The following DIAPH3 variants were observed in gnomAD, a reference collection of about 807,000 sequenced individuals.
DIAPH3 encodes diaphanous related formin 3.
DIAPH3 carries 117 observed loss-of-function variants against 144.3 expected under a neutral mutation model. That is an observed-to-expected ratio of 0.81 (90% CI 0.70 to 0.95). The LOEUF (loss-of-function observed/expected upper bound fraction) is 0.95, where lower values mean the gene tolerates loss of function less well. DIAPH3 is among the 40% of genes least tolerant of loss of function. The pLI, the probability that DIAPH3 is intolerant of heterozygous loss-of-function variation, is 0.00. For missense variants in DIAPH3, 1,421 were observed against 1,412.7 expected (o/e 1.01, Z -0.09); for synonymous variants, 519 against 488.9 (o/e 1.06, Z -0.81).
At chr13:60,064,222 C>T (rs1380244897) in intron 4 of DIAPH3, among the ~76,000 whole-genome samples, 1 of 152,156 alleles carries the variant, frequency 6.6e-6, no homozygotes, top group East Asian at 1.9e-4. Context: ...TTATCAGCTG[C>T]ATTAGCCCCA....
intron 25 of DIAPH3, among the ~76,000 whole-genome samples, chr13:59,779,655 G>A (rs1009869500): frequency 2.0e-5 from 3 of 151,802 alleles, no homozygotes; most frequent in Non-Finnish European, 4.4e-5. Flanking sequence ...GGGATTACAG[G>A]CGTGCCCCAC....
intron 27 of DIAPH3, among the ~76,000 whole-genome samples, chr13:59,762,250 C>T (rs375886793): frequency 1.2e-4 from 18 of 151,824 alleles, no homozygotes; most frequent in African/African-American, 3.9e-4. Flanking sequence ...TTAGTAGAGA[C>T]GGGGTTTCAC....
intron 17 of DIAPH3, among the ~76,000 whole-genome samples, chr13:59,935,660 C>T (rs2048228971): frequency 6.6e-6 from 1 of 152,196 alleles, no homozygotes; most frequent in Non-Finnish European, 1.5e-5. Flanking sequence ...GTATAAATCA[C>T]TTTAGTCATA....
intron 27 of DIAPH3, among the ~76,000 whole-genome samples, chr13:59,751,368 T>C (rs906480626): frequency 6.6e-6 from 1 of 152,240 alleles, no homozygotes; most frequent in Non-Finnish European, 1.5e-5. Flanking sequence ...GTTCTGGCTG[T>C]TAATAGCCTG....
chr13:59,695,189 A>G (rs996071031), intron 27 of DIAPH3: 1 of 152,190 alleles, frequency 6.6e-6, no homozygotes, highest in Non-Finnish European at 1.5e-5. Context: ...CCATCCCATT[A>G]AAGGCCCACT....
chr13:59,711,503 C>T (rs1239993565), intron 27 of DIAPH3, among the ~76,000 whole-genome samples: 3 of 152,142 alleles, frequency 2.0e-5, no homozygotes, highest in Non-Finnish European at 4.4e-5. Context: ...ACCACCACCA[C>T]CTCTCTTACT....
intron 5 of DIAPH3, among the ~76,000 whole-genome samples, chr13:60,019,256 CA>C: frequency 6.6e-6 from 1 of 152,256 alleles, no homozygotes; most frequent in Non-Finnish European, 1.5e-5. Context: ...GATTAATTTC[CA>C]CGAACTAAAA....
intron 27 of DIAPH3, among the ~76,000 whole-genome samples, chr13:59,768,992 G>A (rs1488498287): frequency 1.3e-5 from 2 of 152,024 alleles, no homozygotes; most frequent in African/African-American, 4.8e-5. Flanking sequence ...ATTGCATATA[G>A]TTTATAGAAT....
At chr13:59,851,102 A>G (rs1012418179) in intron 22 of DIAPH3, among the ~76,000 whole-genome samples, 11 of 151,948 alleles carry the variant, frequency 7.2e-5, no homozygotes, top group African/African-American at 1.2e-4. Context: ...AATATCCTTG[A>G]TGAACATTGA....
chr13:60,022,364 T>C (rs1384300712), intron 5 of DIAPH3, among the ~76,000 whole-genome samples: 1 of 152,230 alleles, frequency 6.6e-6, no homozygotes, highest in Non-Finnish European at 1.5e-5. Flanking sequence ...CTTTCATCAG[T>C]AAATAGAATA....
chr13:60,003,010 G>C (rs1396251756), intron 9 of DIAPH3, among the ~76,000 whole-genome samples: 2 of 152,122 alleles, frequency 1.3e-5, no homozygotes, highest in Non-Finnish European at 2.9e-5. Flanking sequence ...ACTTATCCCA[G>C]TCCTTTTCTA....
At chr13:59,880,596 A>G (rs2044953199) in intron 20 of DIAPH3, among the ~76,000 whole-genome samples, 1 of 152,136 alleles carries the variant, frequency 6.6e-6, no homozygotes, top group Admixed American at 6.6e-5. Context: ...GTTACTTAAA[A>G]TATACTAGAC....
At chr13:60,001,713 C>T (rs1180245427) in intron 9 of DIAPH3, among the ~76,000 whole-genome samples, 1 of 152,178 alleles carries the variant, frequency 6.6e-6, no homozygotes, top group Non-Finnish European at 1.5e-5. Flanking sequence ...ATGACTTGAA[C>T]CCTACAGGTA....
chr13:59,743,950 T>C (rs910015928), intron 27 of DIAPH3, among the ~76,000 whole-genome samples: 1 of 152,192 alleles, frequency 6.6e-6, no homozygotes, highest in Non-Finnish European at 1.5e-5. Flanking sequence ...TACACACATA[T>C]ACACACATAA....
chr13:59,944,980 T>A (rs1473735762), intron 17 of DIAPH3, among the ~76,000 whole-genome samples: 3 of 152,080 alleles, frequency 2.0e-5, no homozygotes, highest in Admixed American at 2.0e-4. Flanking sequence ...TCTACATAAC[T>A]ATGCCCTAAG....
At chr13:59,845,445 C>G (rs1366636954) in intron 22 of DIAPH3, among the ~76,000 whole-genome samples, 1 of 152,150 alleles carries the variant, frequency 6.6e-6, no homozygotes. Context: ...ATAGGGGTTT[C>G]CAGACAATCA....
intron 27 of DIAPH3, among the ~76,000 whole-genome samples, chr13:59,689,790 A>AGT (rs57544810): frequency 0.15 from 21,695 of 149,560 alleles, 1,732 homozygotes; most frequent in South Asian, 0.23. Context: ...TGTATTAAGC[A>AGT]GTGTGTGTGT....
At chr13:60,023,364 C>G (rs2054153779) in intron 5 of DIAPH3, among the ~76,000 whole-genome samples, 1 of 151,490 alleles carries the variant, frequency 6.6e-6, no homozygotes, top group African/African-American at 2.4e-5. Flanking sequence ...GGTAATATAT[C>G]TTGTTTAGTT....
At chr13:59,895,348 G>A (rs1336697098) in intron 20 of DIAPH3, among the ~76,000 whole-genome samples, 4 of 150,938 alleles carry the variant, frequency 2.7e-5, no homozygotes, top group Non-Finnish European at 5.9e-5. Flanking sequence ...ATATAAAATT[G>A]GCATCCTTGG....
Sources: gnomAD v4.1 joint callset for allele counts (sites outside exome capture counted in the v4.1 genomes callset) on GRCh38, gnomAD v4.1.1 for gene constraint, MANE v1.5 for transcripts, NCBI Gene and HGNC (gene_info 2026-07-23, HGNC 2026-07-21) for gene names.